Variants in TRPC6 observed in about 807,000 individuals in gnomAD.
TRPC6 encodes short transient receptor potential channel 6.
In TRPC6, 55 loss-of-function variants were observed where a neutral mutation model predicts 90.7. The observed-to-expected ratio is 0.61, with a 90% confidence interval of 0.49 to 0.76. TRPC6 has a LOEUF of 0.76. Among genes scored for constraint, TRPC6 ranks in the 30% least tolerant of loss-of-function variants. TRPC6 has a pLI of 0.00. For missense variants in TRPC6, 989 were observed against 1,122.7 expected (o/e 0.88, Z 1.70); for synonymous variants, 393 against 393.0 (o/e 1.00, Z 0.00).
intron 1 of TRPC6, among the ~76,000 whole-genome samples, chr11:101,531,159 A>G (rs1447449831): frequency 6.6e-6 from 1 of 152,240 alleles, no homozygotes; most frequent in Non-Finnish European, 1.5e-5. Context: ...TGTGATGATC[A>G]TTACCCAGTG....
intron 1 of TRPC6, among the ~76,000 whole-genome samples, chr11:101,533,985 C>G (rs1312338798): frequency 6.6e-6 from 1 of 152,130 alleles, no homozygotes; most frequent in Non-Finnish European, 1.5e-5. Flanking sequence ...GTGCTATATG[C>G]CTGTCTGGAA....
chr11:101,528,117 A>G (rs1860824337), intron 1 of TRPC6, among the ~76,000 whole-genome samples: 1 of 152,154 alleles, frequency 6.6e-6, no homozygotes. Context: ...CTGTATATCC[A>G]TATCTATAAA....
At position 101,555,865 on chromosome 11, in the gene TRPC6, C is replaced by T. The variant is rs143988522; in HGVS notation, c.170+27469G>A. Among the ~76,000 whole-genome samples, 215 of 152,238 alleles carry T rather than the reference C, an allele frequency of 1.4e-3. 2 individuals are homozygous for T. Among genetic ancestry groups the T allele is most frequent in the African/African-American group, 5.0e-3 (207 of 41,538 alleles). On this transcript the variant is annotated intron_variant, in intron 1 of 12. Transcript: ENST00000344327. ...AGATCACTTGTTAGGGCACGAAATA[C>T]ACCTCAGCAAATTTCAAAAGACTGA...
intron 1 of TRPC6, among the ~76,000 whole-genome samples, chr11:101,573,921 C>CGTGTGTGT (rs58766729): frequency 0.21 from 27,701 of 131,750 alleles, 3,472 homozygotes; most frequent in Non-Finnish European, 0.24. Flanking sequence ...GAAACAAATA[C>CGTGTGTGT]GTGTGTGTGT....
chr11:101,558,453 GCACACATACACACACACACA>G (rs1861637683), intron 1 of TRPC6, among the ~76,000 whole-genome samples: 1 of 24,876 alleles, frequency 4.0e-5, no homozygotes, highest in Non-Finnish European at 7.2e-5. Flanking sequence ...ATATACACAC[GCACACATACACACACACACA>G]CACACACACA....
chr11:101,466,663 G>C (rs911090321), intron 10 of TRPC6, among the ~76,000 whole-genome samples: 1 of 152,322 alleles, frequency 6.6e-6, no homozygotes. Context: ...GGGACCCACC[G>C]AGCCAGACCA....
In TRPC6 at chr11:101,452,761, C is replaced by T. The variant is rs200949645; in HGVS notation, c.*194G>A. ...TGGGCATAATTTTCCTCATTATCTA[C>T]AGCCTTTACCCTGAACAATGGAGTT... On this transcript the variant is annotated 3_prime_UTR_variant, in exon 13 of 13. Coordinates refer to ENST00000344327, the MANE Select transcript of TRPC6 (RefSeq NM_004621.6). 17 of 603,322 alleles carry T rather than the reference C, an allele frequency of 2.8e-5. No individual in the cohort carries two copies. The highest frequency in any genetic ancestry group is 4.6e-5 in the Non-Finnish European group (16 of 347,152). The allele number at this position is 603,322 out of a possible 1,614,324, so 37.4% of individuals were successfully genotyped here.
intron 1 of TRPC6, among the ~76,000 whole-genome samples, chr11:101,566,561 C>T (rs1861835703): frequency 6.6e-6 from 1 of 152,004 alleles, no homozygotes; most frequent in African/African-American, 2.4e-5. Flanking sequence ...AATATATCAC[C>T]CAGGTCTTAT....
intron 4 of TRPC6, among the ~76,000 whole-genome samples, chr11:101,484,938 T>TTAGCA (rs1439180474): frequency 6.6e-6 from 1 of 152,104 alleles, no homozygotes; most frequent in Non-Finnish European, 1.5e-5. Flanking sequence ...ATTAGGGTAA[T>TTAGCA]TAGCATAGCC....
rs117588233 is a variant in TRPC6, at chr11:101,531,462, G to A, written c.171-26664C>T. On this transcript the variant is annotated intron_variant, in intron 1 of 12. Coordinates refer to ENST00000344327, the MANE Select transcript of TRPC6 (RefSeq NM_004621.6). ...TGCCTTTTATCTTGGTAGGCATTCAGTATTGCTTTTTCTAGATAGGAAAGA... is the reference window on the plus strand; with the variant it reads ...TGCCTTTTATCTTGGTAGGCATTCAATATTGCTTTTTCTAGATAGGAAAGA... 2.0e-4 allele frequency among the ~76,000 whole-genome samples: 30 copies of A among 152,268 alleles called. 1 individual carries two copies. The East Asian group carries it at 5.6e-3, about 28-fold the overall frequency.
chr11:101,536,631 C>CTTAA (rs1402982976), intron 1 of TRPC6, among the ~76,000 whole-genome samples: 1 of 152,002 alleles, frequency 6.6e-6, no homozygotes, highest in Non-Finnish European at 1.5e-5. Context: ...TATCATGGCC[C>CTTAA]TTAAGATCCT....
intron 1 of TRPC6, among the ~76,000 whole-genome samples, chr11:101,519,529 C>A (rs1238298465): frequency 6.6e-6 from 1 of 152,036 alleles, no homozygotes; most frequent in African/African-American, 2.4e-5. Flanking sequence ...AAACATGCTA[C>A]AAAATGATGT....
intron 1 of TRPC6, among the ~76,000 whole-genome samples, chr11:101,533,405 A>G (rs1343969509): frequency 2.6e-5 from 4 of 152,116 alleles, no homozygotes; most frequent in African/African-American, 9.7e-5. Flanking sequence ...AGTGCCACAC[A>G]CTTTTAAATG....
intron 1 of TRPC6, among the ~76,000 whole-genome samples, chr11:101,505,020 T>C (rs756507267): frequency 7.2e-5 from 11 of 152,198 alleles, no homozygotes; most frequent in Non-Finnish European, 1.5e-4. Context: ...ACATTCCCAT[T>C]TGGGGTGGAG....
intron 1 of TRPC6, among the ~76,000 whole-genome samples, chr11:101,555,062 T>C (rs12798819): frequency 0.074 from 11,188 of 152,208 alleles, 563 homozygotes; most frequent in Non-Finnish European, 0.11. Context: ...GGTCTGATAG[T>C]CACTGAGCCC....
intron 2 of TRPC6, among the ~76,000 whole-genome samples, chr11:101,497,584 T>C (rs1859979494): frequency 6.6e-6 from 1 of 152,160 alleles, no homozygotes; most frequent in African/African-American, 2.4e-5. Context: ...TGCACATGCA[T>C]GAGCAGACCT....
intron 1 of TRPC6, among the ~76,000 whole-genome samples, chr11:101,522,758 C>T (rs1860690527): frequency 6.6e-6 from 1 of 152,170 alleles, no homozygotes; most frequent in African/African-American, 2.4e-5. Context: ...GTTCTCAGCA[C>T]ATATCTGTTG....
chr11:101,462,248 T>C (rs2136651705), intron 10 of TRPC6, among the ~76,000 whole-genome samples: 1 of 152,370 alleles, frequency 6.6e-6, no homozygotes, highest in Non-Finnish European at 1.5e-5. Flanking sequence ...AGGAGCGTGA[T>C]GCCTCCAGCT....
intron 1 of TRPC6, among the ~76,000 whole-genome samples, chr11:101,535,714 A>G (rs1343948063): frequency 6.6e-6 from 1 of 152,196 alleles, no homozygotes; most frequent in East Asian, 1.9e-4. Context: ...CTTTTATTGG[A>G]GTTAGAAGTT....
Sources: gnomAD v4.1 joint callset for allele counts (sites outside exome capture counted in the v4.1 genomes callset) on GRCh38, gnomAD v4.1.1 for gene constraint, MANE v1.5 for transcripts, NCBI Gene and HGNC (gene_info 2026-07-23, HGNC 2026-07-21) for gene names.